Variants in RP1 observed in about 807,000 individuals in gnomAD.
RP1 encodes the protein oxygen-regulated protein 1.
A neutral mutation model predicts 14.8 loss-of-function variants in RP1; 16 were observed. The observed-to-expected ratio is 1.08, with a 90% CI of 0.73 to 1.65. The LOEUF (loss-of-function observed/expected upper bound fraction) is 1.65. RP1 is among the 40% of genes most tolerant of loss of function. The pLI is 0.00. For synonymous variants in RP1, 876 were observed against 883.6 expected (o/e 0.99, Z 0.15); for missense variants, 2,631 against 2,535.0 (o/e 1.04, Z -0.81).
At chr8:54,839,555 C>T (rs1186263923) in intron 25 of RP1, among the ~76,000 whole-genome samples, 1 of 152,174 alleles carries the variant, frequency 6.6e-6, no homozygotes, top group Non-Finnish European at 1.5e-5. Context: ...TCCTTCTTTT[C>T]AGTAGCCCCT....
At position 54,629,415 on chromosome 8, in the gene RP1, G is replaced by A. The variant is rs767428962; in HGVS notation, c.5533G>A (p.Glu1845Lys). The change falls in exon 4 of 4, where the codon GAA (glutamate) becomes AAA (lysine). Residue 1845 changes from glutamate (E) to lysine (K), a missense_variant. Transcript: ENST00000220676. ...LDVRNETCAK[E>K]RIANHHTEEK... ...TGTTCGCAATGAAACCTGTGCCAAG[G>A]AAAGAATAGCAAATCATCATACAGA... 6.2e-7 allele frequency: 1 copy of A among 1,614,126 alleles called. No individual in the cohort carries two copies. Among genetic ancestry groups the A allele is most frequent in the South Asian group, 1.1e-5 (1 of 91,078 alleles).
At chr8:54,585,272 A>G (rs1197007824) in intron 1 of RP1, among the ~76,000 whole-genome samples, 1 of 152,160 alleles carries the variant, frequency 6.6e-6, no homozygotes, top group Admixed American at 6.5e-5. Context: ...GTTTGGCTGG[A>G]TATGAAATTC....
chr8:54,738,874 G>T, intron 18 of RP1: 2 of 1,027,450 alleles, frequency 1.9e-6, no homozygotes, highest in Non-Finnish European at 2.7e-6. Flanking sequence ...AGTGTAAAAA[G>T]AAAGAATTTT....
At chr8:54,671,427 T>C (rs1029497554) in intron 7 of RP1, among the ~76,000 whole-genome samples, 8 of 152,090 alleles carry the variant, frequency 5.3e-5, no homozygotes, top group Non-Finnish European at 8.8e-5. Flanking sequence ...TCTGTGTCCC[T>C]TTGTCTCTCT....
In RP1 at chr8:54,858,258, A is replaced by G. The variant is rs148844101; in HGVS notation, c.4069+1152A>G. On this transcript the variant is annotated intron_variant, in intron 27 of 28. Transcript: ENST00000637698. ...AGAAAGAAAATAGACACATAGTTCA[A>G]CGAGTTCAGGATCGTATAGAGGAAA... 4.5e-3 allele frequency among the ~76,000 whole-genome samples: 693 copies of G among 152,346 alleles called. 5 individuals carry two copies. Among genetic ancestry groups the G allele is most frequent in the African/African-American group, 0.016 (655 of 41,586 alleles).
intron 3 of RP1, among the ~76,000 whole-genome samples, chr8:54,642,966 A>G (rs1806478888): frequency 6.6e-6 from 1 of 152,050 alleles, no homozygotes; most frequent in African/African-American, 2.4e-5. Context: ...GAGGTTGAGC[A>G]TATTTTCTAT....
chr8:54,758,973 C>T (rs967199803), exon 22 of RP1: 19 of 1,535,736 alleles, frequency 1.2e-5, no homozygotes, highest in Non-Finnish European at 1.7e-5. Context: ...GCAGAAGGTG[C>T]TGTTGCGCTG....
At position 54,629,117 on chromosome 8, in the gene RP1, A is replaced by G; in HGVS notation, c.5235A>G (p.Lys1745=). 6 of 1,614,118 alleles carry G rather than the reference A, an allele frequency of 3.7e-6. No individual in the cohort carries two copies. The highest frequency in any genetic ancestry group is 5.1e-6 in the Non-Finnish European group (6 of 1,179,960). The change falls in exon 4 of 4, where the codon AAA becomes AAG. Residue 1745 remains lysine, a synonymous_variant. Coordinates refer to ENST00000220676, the MANE Select transcript of RP1 (RefSeq NM_006269.2). ...IEEGVLIDKG[K]WLLKENHLLR... The stretch of plus-strand genomic sequence containing the variant: ...AAGGAGTACTGATTGACAAAGGCAA[A>G]TGGCTTCTGAAAGAAAATCATTTGC...
intron 15 of RP1, among the ~76,000 whole-genome samples, chr8:54,714,197 A>G (rs1808351832): frequency 6.6e-6 from 1 of 152,194 alleles, no homozygotes; most frequent in African/African-American, 2.4e-5. Flanking sequence ...AAGTGCTGGG[A>G]TTACAGGCGT....
chr8:54,653,474 A>T (rs1268055171), intron 5 of RP1, among the ~76,000 whole-genome samples: 1 of 152,152 alleles, frequency 6.6e-6, no homozygotes, highest in East Asian at 1.9e-4. Context: ...CTTTAACTAA[A>T]CAAGTTCTCA....
chr8:54,782,762 T>A (rs957079028), intron 23 of RP1, among the ~76,000 whole-genome samples: 5 of 152,148 alleles, frequency 3.3e-5, no homozygotes, highest in African/African-American at 9.7e-5. Flanking sequence ...TTATTTTGTC[T>A]TTCTAACTAA....
intron 19 of RP1, among the ~76,000 whole-genome samples, chr8:54,753,807 T>C (rs1312224779): frequency 6.6e-6 from 1 of 152,096 alleles, no homozygotes; most frequent in Non-Finnish European, 1.5e-5. Flanking sequence ...TGAAACAGGC[T>C]AAAGGCAGGA....
intron 1 of RP1, among the ~76,000 whole-genome samples, chr8:54,594,593 T>C (rs1036539157): frequency 6.6e-6 from 1 of 152,226 alleles, no homozygotes; most frequent in Non-Finnish European, 1.5e-5. Context: ...ATGGATAAAA[T>C]TGGCATGCTG....
chr8:54,735,241 C>A (rs1353579827), intron 18 of RP1, among the ~76,000 whole-genome samples: 1 of 152,162 alleles, frequency 6.6e-6, no homozygotes, highest in African/African-American at 2.4e-5. Flanking sequence ...TGTTTTGAAG[C>A]TTTGCCCATG....
At chr8:54,826,767 G>A (rs754784507) in intron 24 of RP1, among the ~76,000 whole-genome samples, 1 of 152,158 alleles carries the variant, frequency 6.6e-6, no homozygotes, top group East Asian at 1.9e-4. Context: ...CCTGCTTCAT[G>A]TTCAAAGTTT....
chr8:54,624,771 G>C lies in RP1; in HGVS notation c.889G>C (p.Glu297Gln). The C allele has an allele frequency of 6.2e-7, 1 of 1,613,930 alleles. No homozygotes were observed. Among genetic ancestry groups the C allele is most frequent in the Non-Finnish European group, 8.5e-7 (1 of 1,179,936 alleles). ...DCYLDYSFVP[E>Q]KYLALEKNDS... is the part of the protein sequence containing the mutation. ...CTACTTAGACTATTCTTTTGTTCCT[G>C]AAAAGTACTTGGCCTTAGAAAAGAA... Residue 297 changes from glutamate (E) to glutamine (Q), a missense_variant, in exon 4 of 4, where the codon GAA becomes CAA. By Grantham distance (29) the Glu-to-Gln change is conservative. Transcript: ENST00000220676.
intron 6 of RP1, among the ~76,000 whole-genome samples, chr8:54,663,386 C>A (rs1196563102): frequency 6.6e-6 from 1 of 152,118 alleles, no homozygotes; most frequent in Admixed American, 6.6e-5. Flanking sequence ...AAAAGTATGT[C>A]AAATTTGCTA....
exon 16 of RP1, chr8:54,720,301 T>G: frequency 6.5e-7 from 1 of 1,534,696 alleles, no homozygotes; most frequent in Non-Finnish European, 8.7e-7. Flanking sequence ...CCACAAGTCA[T>G]CCAATGTATG....
chr8:54,564,906 C>T (rs1804367552), intron 1 of RP1, among the ~76,000 whole-genome samples: 1 of 152,132 alleles, frequency 6.6e-6, no homozygotes, highest in Admixed American at 6.5e-5. Flanking sequence ...CCACTGTGCC[C>T]AACTAATTTA....
Sources: gnomAD v4.1 joint callset for allele counts (sites outside exome capture counted in the v4.1 genomes callset) on GRCh38, gnomAD v4.1.1 for gene constraint, MANE v1.5 for transcripts, NCBI Gene and HGNC (gene_info 2026-07-23, HGNC 2026-07-21) for gene names.